The following POGK variants were observed in gnomAD, a reference collection of about 807,000 sequenced individuals.
POGK encodes the protein pogo transposable element derived with KRAB domain.
A neutral mutation model predicts 54.4 loss-of-function variants in POGK; 16 were observed. The ratio of observed to expected loss-of-function variants is 0.29; its 90% CI spans 0.20 to 0.45. The LOEUF (loss-of-function observed/expected upper bound fraction) is 0.45, where lower values mean the gene tolerates loss of function less well. Ranked by LOEUF, POGK falls within the 20% of genes least tolerant of loss-of-function variation. The pLI is 1.00. For missense variants in POGK, 515 were observed against 795.6 expected (o/e 0.65, Z 4.24); for synonymous variants, 271 against 302.2 (o/e 0.90, Z 1.07).
chr1:166,849,079 G>A lies in POGK; in HGVS notation c.500G>A (p.Gly167Glu). 1 of 1,614,148 alleles carries A rather than the reference G, an allele frequency of 6.2e-7. No homozygotes were observed. Among genetic ancestry groups the A allele is most frequent in the Non-Finnish European group, 8.5e-7 (1 of 1,180,032 alleles). The stretch of plus-strand genomic sequence containing the variant: ...ACAGAGCTGCCCGAGTGGAGTGAGG[G>A]GTACCCCTTCTACATGGCCATGGGC... Reference protein sequence around the residue: ...DITELPEWSEGYPFYMAMGFP... With the variant: ...DITELPEWSEEYPFYMAMGFP... Residue 167 changes from glycine (G) to glutamate (E), a missense_variant, in exon 5 of 6, where the codon GGG (glycine) becomes GAG (glutamate). Physicochemically the swap from Gly to Glu is moderately conservative, Grantham distance 98. Transcript: ENST00000367876.
intron 1 of POGK, 101 bp downstream of exon 1, chr1:166,839,705 C>T (rs978396502): frequency 9.0e-5 from 13 of 144,760 alleles, no homozygotes; most frequent in African/African-American, 3.2e-4. Context: ...TGCGCCGCCG[C>T]CGCCGCCGCC....
rs148246779 is a variant in POGK, at chr1:166,849,597, G to A, written c.1018G>A (p.Val340Ile). 32 of 1,614,154 alleles carry A rather than the reference G, an allele frequency of 2.0e-5. No individual in the cohort carries two copies. Among genetic ancestry groups the A allele is most frequent in the African/African-American group, 5.3e-5 (4 of 74,958 alleles). ...HLPEDLTEKL[V>I]TYQRSVLALR... Reference sequence around the variant, plus strand: ...GCCGGAAGACCTGACTGAGAAACTCGTCACTTACCAGCGCAGTGTCCTGGC... The same window carrying A: ...GCCGGAAGACCTGACTGAGAAACTCATCACTTACCAGCGCAGTGTCCTGGC... Residue 340 changes from valine (V) to isoleucine (I), a missense_variant, in exon 5 of 6, where the codon GTC (valine) becomes ATC (isoleucine). Val to Ile is a conservative substitution (Grantham distance 29). Coordinates refer to ENST00000367876, the MANE Select transcript of POGK (RefSeq NM_017542.5).
In POGK at chr1:166,850,226, G is replaced by A; in HGVS notation, c.1647G>A (p.Glu549=). ...AKKPPLGLFL[E]WVMVAWNSIS... ...AGCCACCCCTGGGCCTCTTTCTGGA[G>A]TGGGTCATGGTCGCGTGGAATAGCA... The change falls in exon 5 of 6, where the codon GAG becomes GAA. Residue 549 remains glutamate (E), a synonymous_variant. Coordinates refer to ENST00000367876, the MANE Select transcript of POGK (RefSeq NM_017542.5). 1 of 1,555,728 alleles carries A rather than the reference G, an allele frequency of 6.4e-7. No homozygotes were observed. The highest frequency in any genetic ancestry group is 8.7e-7 in the Non-Finnish European group (1 of 1,149,064).
At chr1:166,840,080 A>G (rs997567421) in intron 1 of POGK, 2 of 152,184 alleles carry the variant, frequency 1.3e-5, no homozygotes, top group African/African-American at 2.4e-5. Context: ...GCGTTCGCCT[A>G]TCTTTTTTGG....
Position 166,847,559 on chromosome 1 carries a change from G to A in POGK, c.325G>A (p.Asp109Asn). ...LEGEEESQNS[D>N]EWQLQGGTSA... ...AGGGGAGGAGGAGTCTCAGAATTCT[G>A]ACGAGTGGCAGCTCCAAGGAGGCAC... The change falls in exon 4 of 6, where the codon GAC becomes AAC. Residue 109 changes from aspartate (D) to asparagine (N), a missense_variant. Physicochemically the swap from Asp to Asn is conservative, Grantham distance 23. This residue lies in a region of POGK where 461 missense variants were observed against 743.5 expected (regional missense o/e 0.62). Transcript: ENST00000367876. 6.2e-7 allele frequency: 1 copy of A among 1,613,950 alleles called. No homozygotes were observed. Among genetic ancestry groups the A allele is most frequent in the Non-Finnish European group, 8.5e-7 (1 of 1,179,874 alleles).
intron 5 of POGK, chr1:166,851,237 T>G (rs1490297270): frequency 1.3e-5 from 2 of 152,198 alleles, no homozygotes; most frequent in African/African-American, 4.8e-5. Flanking sequence ...GGGAGAACAC[T>G]AAGTGTGTCC....
chr1:166,846,547 T>C (rs1460145011), intron 2 of POGK, 65 bp from the exon 3 acceptor site: 2 of 1,602,876 alleles, frequency 1.2e-6, no homozygotes, highest in African/African-American at 2.7e-5. Context: ...TAAGGTCCTG[T>C]CCGCTCTGAA....
chr1:166,850,626 G>A (rs752126135), intron 5 of POGK: 158 of 526,852 alleles, frequency 3.0e-4, no homozygotes, highest in Non-Finnish European at 4.3e-4. Flanking sequence ...GGAGGTGAGC[G>A]GCAGGTGAGC....
chr1:166,843,510 G>A (rs1657623340), intron 2 of POGK, among the ~76,000 whole-genome samples: 1 of 152,206 alleles, frequency 6.6e-6, no homozygotes, highest in African/African-American at 2.4e-5. Context: ...TAACCACTCT[G>A]TTTCCTTACC....
rs1658005010 is a variant in POGK, at chr1:166,850,248, A to G, written c.1669A>G (p.Ser557Gly). 6.4e-7 allele frequency: 1 copy of G among 1,562,568 alleles called. No homozygotes were observed. Among genetic ancestry groups the G allele is most frequent in the Non-Finnish European group, 8.7e-7 (1 of 1,152,594 alleles). The change falls in exon 5 of 6, where the codon AGC becomes GGC. Residue 557 changes from serine (S) to glycine (G), a missense_variant. Ser to Gly is a moderately conservative substitution (Grantham distance 56). This residue lies in a region of POGK where 461 missense variants were observed against 743.5 expected (regional missense o/e 0.62). Coordinates refer to ENST00000367876, the MANE Select transcript of POGK (RefSeq NM_017542.5). ...FLEWVMVAWN[S>G]ISSESIVQGF... ...GGAGTGGGTCATGGTCGCGTGGAAT[A>G]GCATCTCAAGTGAGTCCATCGTCCA...
intron 2 of POGK, among the ~76,000 whole-genome samples, chr1:166,845,754 T>A (rs936632763): frequency 1.3e-5 from 2 of 152,190 alleles, no homozygotes; most frequent in African/African-American, 4.8e-5. Flanking sequence ...TTTTAATGAC[T>A]GTAATAAGAA....
intron 2 of POGK, among the ~76,000 whole-genome samples, chr1:166,844,401 AG>A (rs1226765260): frequency 6.6e-6 from 1 of 152,212 alleles, no homozygotes; most frequent in Non-Finnish European, 1.5e-5. Flanking sequence ...GTTCTTTAAA[AG>A]CCTGGGAATT....
Position 166,855,769 on chromosome 1 carries a change from C to A in POGK, c.*3199C>A, listed in dbSNP as rs962741977. 3.9e-5 allele frequency: 6 copies of A among 152,226 alleles called. No individual in the cohort carries two copies. Among genetic ancestry groups the A allele is most frequent in the Non-Finnish European group, 8.8e-5 (6 of 68,068 alleles). 9.4% of individuals were successfully genotyped at this position (152,226 alleles called of 1,614,324 possible). A position where few individuals can be genotyped will look rare whatever the true frequency, so the allele number is the denominator to read the frequency against. ...ATACAGCCTATGGAACCTGACATTGCAGTGGGCAGCAGGACACGGTCAAGG... is the reference window on the plus strand; with the variant it reads ...ATACAGCCTATGGAACCTGACATTGAAGTGGGCAGCAGGACACGGTCAAGG... On this transcript the variant is annotated 3_prime_UTR_variant, in exon 6 of 6. Transcript: ENST00000367876.
chr1:166,841,365 C>T (rs148359938), intron 2 of POGK, among the ~76,000 whole-genome samples: 11 of 152,364 alleles, frequency 7.2e-5, no homozygotes, highest in African/African-American at 2.6e-4. Context: ...TTATCCTGCA[C>T]TGCGTTTGAT....
rs771806937 is a variant in POGK, at chr1:166,850,206, C to A, written c.1627C>A (p.Pro543Thr). Residue 543 changes from proline to threonine, a missense_variant, in exon 5 of 6, where the codon CCC becomes ACC. Coordinates refer to ENST00000367876, the MANE Select transcript of POGK (RefSeq NM_017542.5). ...CCCAACCGGGAATGCTAAGAAGCCACCCCTGGGCCTCTTTCTGGAGTGGGT... is the reference window on the plus strand; with the variant it reads ...CCCAACCGGGAATGCTAAGAAGCCAACCCTGGGCCTCTTTCTGGAGTGGGT... ...LSPTGNAKKP[P>T]LGLFLEWVMV... The A allele has an allele frequency of 1.3e-6, 2 of 1,554,908 alleles. No homozygotes were observed. The highest frequency in any genetic ancestry group is 2.4e-5 in the South Asian group (2 of 84,562).
rs370908805 is a variant in POGK at position 166,846,737 on chromosome 1, G to T, written c.258G>T (p.Leu86=). Residue 86 remains leucine (L), a splice_region_variant and synonymous_variant, in exon 3 of 6, where the codon CTG becomes CTT. Coordinates refer to ENST00000367876, the MANE Select transcript of POGK (RefSeq NM_017542.5). ...TGAATTATGAAACTGTCCTGTCCCT[G>T]GGTAAAGCTGTGTTTTCCTTTGTCT... ...MRMNYETVLS[L]EFPFPKPDMI... 3.1e-6 allele frequency: 5 copies of T among 1,613,994 alleles called. No individual in the cohort carries two copies. In the African/African-American group the frequency reaches 6.7e-5, roughly 22 times the overall value.
Position 166,850,431 on chromosome 1 carries a change from C to G in POGK, c.*14+8C>G, listed in dbSNP as rs1473007670. 3 of 1,580,442 alleles carry G rather than the reference C, an allele frequency of 1.9e-6. No individual in the cohort carries two copies. In the South Asian group the frequency reaches 3.5e-5, roughly 18 times the overall value. ...CTGAAGGGAAAGGGAAAGGTAACCA[C>G]TCAGGAGTAGATACTCAGTGCCTTT... On this transcript the variant is annotated splice_region_variant and intron_variant, in intron 5 of 5. Transcript: ENST00000367876.
At position 166,848,059 on chromosome 1, in the gene POGK, G is replaced by T. The variant is rs938972971; in HGVS notation, c.358+467G>T. 2.0e-5 allele frequency among the ~76,000 whole-genome samples: 3 copies of T among 152,158 alleles called. No homozygotes were observed. In the South Asian group the frequency reaches 6.2e-4, roughly 32 times the overall value. On this transcript the variant is annotated intron_variant, in intron 4 of 5. Coordinates refer to ENST00000367876, the MANE Select transcript of POGK (RefSeq NM_017542.5). ...GTATCTAAGAAGTACCTAGTCCTTT[G>T]TCAAGAAAAATGGTTATTGAGGCCA...
intron 1 of POGK, chr1:166,840,482 C>A (rs561294068): frequency 6.5e-6 from 1 of 153,574 alleles, no homozygotes; most frequent in Non-Finnish European, 1.4e-5. Context: ...TCCGCCCATG[C>A]TTAACTGGCT....
Sources: gnomAD v4.1 joint callset for allele counts (sites outside exome capture counted in the v4.1 genomes callset) on GRCh38, gnomAD v4.1.1 for gene constraint, gnomAD v4.1.1 regional missense constraint, MANE v1.5 for transcripts, NCBI Gene and HGNC (gene_info 2026-07-23, HGNC 2026-07-21) for gene names.